The following CADM2 variants were observed in gnomAD, a reference collection of about 807,000 sequenced individuals.
The protein encoded by CADM2 is immunoglobulin superfamily member 4D.
A neutral mutation model predicts 49.8 loss-of-function variants in CADM2; 12 were observed. The observed-to-expected ratio is 0.24, with a 90% CI of 0.15 to 0.39. The LOEUF (loss-of-function observed/expected upper bound fraction) is 0.39, where lower values mean the gene tolerates loss of function less well. Among genes scored for constraint, CADM2 ranks in the 10% least tolerant of loss-of-function variants. The pLI, the probability that CADM2 is intolerant of heterozygous loss-of-function variation, is 1.00. For missense variants in CADM2, 378 were observed against 492.3 expected (o/e 0.77, Z 2.20); for synonymous variants, 214 against 175.4 (o/e 1.22, Z -1.74).
At chr3:85,808,991 A>C (rs1431073753) in intron 3 of CADM2, among the ~76,000 whole-genome samples, 1 of 152,196 alleles carries the variant, frequency 6.6e-6, no homozygotes, top group African/African-American at 2.4e-5. Flanking sequence ...AACTGCTATC[A>C]ATCAATTTGA....
intron 1 of CADM2, among the ~76,000 whole-genome samples, chr3:85,611,432 C>A (rs548918162): frequency 9.2e-5 from 14 of 151,894 alleles, no homozygotes; most frequent in African/African-American, 3.4e-4. Context: ...GTTAGTTGAG[C>A]ACCTGTTTTA....
At chr3:85,871,686 A>G (rs1348415729) in intron 3 of CADM2, among the ~76,000 whole-genome samples, 1 of 152,144 alleles carries the variant, frequency 6.6e-6, no homozygotes, top group East Asian at 1.9e-4. Flanking sequence ...TACTCCATAA[A>G]TTAACATTAC....
intron 1 of CADM2, among the ~76,000 whole-genome samples, chr3:85,046,081 C>A (rs2035643021): frequency 6.6e-6 from 1 of 151,944 alleles, no homozygotes; most frequent in Non-Finnish European, 1.5e-5. Flanking sequence ...GAGAAACTTG[C>A]AAACAATGTG....
intron 1 of CADM2, among the ~76,000 whole-genome samples, chr3:85,445,218 A>G (rs1230839520): frequency 2.0e-5 from 3 of 152,104 alleles, no homozygotes; most frequent in African/African-American, 7.2e-5. Flanking sequence ...AATTTAAAAC[A>G]CCCTGCATCC....
chr3:85,181,563 G>T (rs2040935309), intron 1 of CADM2, among the ~76,000 whole-genome samples: 1 of 152,040 alleles, frequency 6.6e-6, no homozygotes, highest in Admixed American at 6.6e-5. Context: ...GAATATCAAG[G>T]TATCACTTTT....
chr3:85,960,582 C>G (rs1724686523), intron 7 of CADM2, among the ~76,000 whole-genome samples: 1 of 151,866 alleles, frequency 6.6e-6, no homozygotes, highest in African/African-American at 2.4e-5. Flanking sequence ...TTGAGAATTA[C>G]AGAAAATAAA....
At chr3:85,139,822 G>C (rs938618006) in intron 1 of CADM2, among the ~76,000 whole-genome samples, 42 of 152,058 alleles carry the variant, frequency 2.8e-4, no homozygotes, top group Non-Finnish European at 5.9e-5. Context: ...GAAATGAGAG[G>C]TAATTACATT....
At chr3:85,783,799 A>C (rs1379028170) in intron 2 of CADM2, among the ~76,000 whole-genome samples, 1 of 152,210 alleles carries the variant, frequency 6.6e-6, no homozygotes, top group Non-Finnish European at 1.5e-5. Flanking sequence ...GATTCTAAGC[A>C]TTTAGAACTT....
At chr3:85,783,622 G>C (rs2108002714) in intron 2 of CADM2, among the ~76,000 whole-genome samples, 1 of 152,176 alleles carries the variant, frequency 6.6e-6, no homozygotes, top group South Asian at 2.1e-4. Context: ...AACGAAAGAA[G>C]TGCATTACAT....
At chr3:85,952,699 A>G (rs1158042128) in intron 7 of CADM2, among the ~76,000 whole-genome samples, 1 of 151,016 alleles carries the variant, frequency 6.6e-6, no homozygotes, top group Admixed American at 6.6e-5. Context: ...CCTTAACACC[A>G]TACACTGCCT....
At chr3:85,195,248 T>G (rs2107733364) in intron 1 of CADM2, among the ~76,000 whole-genome samples, 1 of 152,254 alleles carries the variant, frequency 6.6e-6, no homozygotes, top group Non-Finnish European at 1.5e-5. Context: ...TTATATAAGT[T>G]ATTTAATTTC....
chr3:85,229,180 G>A (rs1050487177), intron 1 of CADM2, among the ~76,000 whole-genome samples: 8 of 152,136 alleles, frequency 5.3e-5, no homozygotes. Flanking sequence ...GTGAATTCCA[G>A]GTCAATCTCA....
chr3:85,639,110 T>A (rs941226729), intron 1 of CADM2, among the ~76,000 whole-genome samples: 1 of 152,148 alleles, frequency 6.6e-6, no homozygotes, highest in Non-Finnish European at 1.5e-5. Context: ...AAATGGTAAA[T>A]AAGAAATGAA....
At chr3:85,618,499 CTG>C (rs2063866353) in intron 1 of CADM2, among the ~76,000 whole-genome samples, 1 of 152,070 alleles carries the variant, frequency 6.6e-6, no homozygotes. Flanking sequence ...TTCTTTGATT[CTG>C]TTTCTTTTGT....
chr3:85,305,887 G>C (rs2044200627), intron 1 of CADM2, among the ~76,000 whole-genome samples: 1 of 151,146 alleles, frequency 6.6e-6, no homozygotes, highest in Non-Finnish European at 1.5e-5. Flanking sequence ...TTCTTTTTTT[G>C]AAATGAAGCT....
At chr3:85,884,419 T>G (rs1304456975) in intron 4 of CADM2, among the ~76,000 whole-genome samples, 1 of 152,188 alleles carries the variant, frequency 6.6e-6, no homozygotes, top group Non-Finnish European at 1.5e-5. Context: ...GACTATTTTA[T>G]AAAAATCTTC....
chr3:85,278,593 C>T (rs1407311808), intron 1 of CADM2, among the ~76,000 whole-genome samples: 4 of 151,228 alleles, frequency 2.6e-5, no homozygotes, highest in African/African-American at 9.7e-5. Context: ...TTAGAGTGCT[C>T]TTGCCATGCA....
intron 1 of CADM2, among the ~76,000 whole-genome samples, chr3:84,987,145 T>C (rs1356103338): frequency 6.6e-6 from 1 of 152,166 alleles, no homozygotes; most frequent in East Asian, 2.0e-4. Context: ...AGAGAAATCC[T>C]CCCAGGTTGT....
intron 1 of CADM2, among the ~76,000 whole-genome samples, chr3:85,718,156 A>G (rs1228967625): frequency 1.3e-5 from 2 of 152,152 alleles, no homozygotes; most frequent in African/African-American, 2.4e-5. Context: ...TGAAGTGTGT[A>G]TATTATATGT....
Sources: allele counts gnomAD v4.1 joint callset (sites outside exome capture counted in the v4.1 genomes callset), GRCh38; gene constraint gnomAD v4.1.1; transcripts MANE v1.5; gene names NCBI Gene and HGNC (gene_info 2026-07-23, HGNC 2026-07-21).